TAFA2: variants seen among roughly 807,000 people sequenced by gnomAD.
TAFA2 encodes the protein chemokine-like protein TAFA-2.
A neutral mutation model predicts 18.8 loss-of-function variants in TAFA2; 7 were observed. That is an observed-to-expected ratio of 0.37 (90% CI 0.21 to 0.70). TAFA2 has a LOEUF of 0.70. TAFA2 is among the 30% of genes least tolerant of loss of function. The pLI is 0.53. For synonymous variants in TAFA2, 60 were observed against 54.2 expected (o/e 1.11, Z -0.47); for missense variants, 122 against 158.1 (o/e 0.77, Z 1.23).
intron 1 of TAFA2, among the ~76,000 whole-genome samples, chr12:62,082,498 T>A (rs1405353812): frequency 2.0e-5 from 3 of 152,152 alleles, no homozygotes; most frequent in African/African-American, 7.2e-5. Context: ...TGTTTGTTGA[T>A]GCAACCAACA....
chr12:62,215,160 C>G (rs558968231), intron 1 of TAFA2, among the ~76,000 whole-genome samples: 6 of 152,284 alleles, frequency 3.9e-5, no homozygotes, highest in African/African-American at 1.4e-4. Context: ...GACAATCATA[C>G]CTCCAGGTTT....
intron 1 of TAFA2, among the ~76,000 whole-genome samples, chr12:62,154,139 T>C (rs1180582349): frequency 6.6e-6 from 1 of 152,138 alleles, no homozygotes; most frequent in African/African-American, 2.4e-5. Flanking sequence ...GATGGTTATT[T>C]GTTTTCATAC....
chr12:62,042,005 G>T (rs947815759), intron 1 of TAFA2, among the ~76,000 whole-genome samples: 24 of 152,116 alleles, frequency 1.6e-4, no homozygotes, highest in African/African-American at 5.8e-4. Context: ...GAGCTATAAA[G>T]GATCTCTGAG....
chr12:62,186,111 A>C (rs779980779), intron 1 of TAFA2, among the ~76,000 whole-genome samples: 1 of 152,198 alleles, frequency 6.6e-6, no homozygotes, highest in Non-Finnish European at 1.5e-5. Flanking sequence ...CTTGTTTATA[A>C]AGAGCTGCAT....
chr12:62,038,110 T>C (rs1881658262), intron 1 of TAFA2, among the ~76,000 whole-genome samples: 1 of 151,812 alleles, frequency 6.6e-6, no homozygotes, highest in African/African-American at 2.4e-5. Context: ...GGAGAGGAAA[T>C]GGGGAGATGT....
At chr12:61,804,965 T>C (rs192321698) in intron 2 of TAFA2, among the ~76,000 whole-genome samples, 21 of 151,992 alleles carry the variant, frequency 1.4e-4, no homozygotes, top group Non-Finnish European at 2.7e-4. Flanking sequence ...ATAAAAATAA[T>C]CAAACATACT....
chr12:61,777,381 G>A (rs899570480), intron 2 of TAFA2, among the ~76,000 whole-genome samples: 1 of 151,686 alleles, frequency 6.6e-6, no homozygotes, highest in Non-Finnish European at 1.5e-5. Context: ...TTTCTGGCAT[G>A]TTGACAGTAC....
intron 1 of TAFA2, among the ~76,000 whole-genome samples, chr12:62,124,610 A>T (rs1022842780): frequency 1.1e-4 from 17 of 152,220 alleles, no homozygotes; most frequent in African/African-American, 3.9e-4. Flanking sequence ...AAAACAAACC[A>T]TCAGACCAGA....
At chr12:62,182,401 AG>A (rs1467553245) in intron 1 of TAFA2, among the ~76,000 whole-genome samples, 2 of 152,198 alleles carry the variant, frequency 1.3e-5, no homozygotes, top group African/African-American at 4.8e-5. Context: ...AACCTGTCAA[AG>A]GGGTAAGAGT....
At chr12:61,714,300 T>C (rs1869548278) in intron 4 of TAFA2, among the ~76,000 whole-genome samples, 1 of 152,198 alleles carries the variant, frequency 6.6e-6, no homozygotes, top group African/African-American at 2.4e-5. Context: ...ACGCAAATCT[T>C]ATTTGTGTGT....
chr12:61,972,697 C>T (rs1471118278), intron 1 of TAFA2, among the ~76,000 whole-genome samples: 1 of 151,600 alleles, frequency 6.6e-6, no homozygotes, highest in Non-Finnish European at 1.5e-5. Flanking sequence ...TAACTTGTAC[C>T]TATGAACAAA....
At chr12:62,109,314 C>A (rs900211498) in intron 1 of TAFA2, among the ~76,000 whole-genome samples, 1 of 152,000 alleles carries the variant, frequency 6.6e-6, no homozygotes, top group Non-Finnish European at 1.5e-5. Context: ...ATTTCTGAGG[C>A]CTCTGTTCTG....
chr12:62,247,485 C>T (rs1592418990), intron 1 of TAFA2, among the ~76,000 whole-genome samples: 2 of 152,248 alleles, frequency 1.3e-5, no homozygotes, highest in Admixed American at 6.5e-5. Flanking sequence ...ACAAGCTCCT[C>T]GAGTTTTCCT....
intron 1 of TAFA2, among the ~76,000 whole-genome samples, chr12:62,189,191 TAA>T (rs60410986): frequency 2.0e-5 from 3 of 148,748 alleles, no homozygotes; most frequent in African/African-American, 4.9e-5. Context: ...GATTTTCACA[TAA>T]AAAAAAAAAT....
chr12:62,119,424 C>A (rs1422792604), intron 1 of TAFA2, among the ~76,000 whole-genome samples: 2 of 152,160 alleles, frequency 1.3e-5, no homozygotes, highest in Non-Finnish European at 2.9e-5. Context: ...ATTTAAAAAT[C>A]TGTTTTGACT....
chr12:62,182,500 C>A (rs530866255), intron 1 of TAFA2, among the ~76,000 whole-genome samples: 1 of 152,298 alleles, frequency 6.6e-6, no homozygotes, highest in East Asian at 1.9e-4. Flanking sequence ...CCATAGTCCA[C>A]GGGCCAACAG....
At chr12:62,123,804 A>ACACACACACACACC (rs1041835200) in intron 1 of TAFA2, among the ~76,000 whole-genome samples, 1 of 149,734 alleles carries the variant, frequency 6.7e-6, no homozygotes, top group African/African-American at 2.4e-5. Flanking sequence ...ACACACACAC[A>ACACACACACACACC]CACACACACC....
intron 1 of TAFA2, among the ~76,000 whole-genome samples, chr12:61,911,465 A>G (rs563535814): frequency 1.3e-5 from 2 of 152,330 alleles, no homozygotes; most frequent in South Asian, 2.1e-4. Flanking sequence ...AAGTTAAACT[A>G]TGACATTTTG....
chr12:61,797,290 T>C (rs1478860221), intron 2 of TAFA2, among the ~76,000 whole-genome samples: 3 of 151,984 alleles, frequency 2.0e-5, no homozygotes, highest in Admixed American at 2.0e-4. Flanking sequence ...AAATCATCCA[T>C]CAGCTCACTG....
Sources: gnomAD v4.1 joint callset for allele counts (sites outside exome capture counted in the v4.1 genomes callset) on GRCh38, gnomAD v4.1.1 for gene constraint, MANE v1.5 for transcripts, NCBI Gene and HGNC (gene_info 2026-07-23, HGNC 2026-07-21) for gene names.